Variants in IQGAP1 observed in about 807,000 individuals in gnomAD.
The protein encoded by IQGAP1 is ras GTPase-activating-like protein IQGAP1.
In IQGAP1, 66 loss-of-function variants were observed where a neutral mutation model predicts 215.6. That is an observed-to-expected ratio of 0.31 (90% CI 0.25 to 0.38). The LOEUF (loss-of-function observed/expected upper bound fraction) is 0.38, where lower values mean the gene tolerates loss of function less well. IQGAP1 is among the 10% of genes least tolerant of loss of function. The pLI is 1.00. For missense variants in IQGAP1, 1,712 were observed against 1,997.1 expected (o/e 0.86, Z 2.72); for synonymous variants, 772 against 728.7 (o/e 1.06, Z -0.96).
chr15:90,474,774 G>A (rs1363796420), intron 23 of IQGAP1, 81 bp downstream of exon 23: 4 of 1,093,492 alleles, frequency 3.7e-6, no homozygotes, highest in South Asian at 2.6e-5. Context: ...GACTGGTGGG[G>A]AGGGTGGAGG....
intron 2 of IQGAP1, among the ~76,000 whole-genome samples, chr15:90,421,181 T>C (rs1020612659): frequency 6.8e-6 from 1 of 148,140 alleles, no homozygotes; most frequent in Admixed American, 6.7e-5. Context: ...GCTAAATTTA[T>C]AAAAAAGCTA....
At chr15:90,497,960 C>T (rs542275548) in intron 37 of IQGAP1, among the ~76,000 whole-genome samples, 1 of 152,272 alleles carries the variant, frequency 6.6e-6, no homozygotes, top group African/African-American at 2.4e-5. Context: ...CTTTCTTGCA[C>T]TGCTTCACAC....
chr15:90,388,526 T>A lies in IQGAP1; in HGVS notation c.55+130T>A, dbSNP rs957513398. The A allele has an allele frequency of 1.2e-5, 7 of 597,874 alleles. No homozygotes were observed. In the African/African-American group the frequency reaches 1.4e-4, roughly 12 times the overall value. The allele number at this position is 597,874 out of a possible 1,614,324, so 37.0% of individuals were successfully genotyped here. On this transcript the variant is annotated intron_variant, in intron 1 of 37. Coordinates refer to ENST00000268182, the MANE Select transcript of IQGAP1 (RefSeq NM_003870.4). ...CGGCAGCTCGGACCCGGAAGAGCCGTCCCGGTGGGGCGGCGGGCGGCGGGC... is the reference window on the plus strand; with the variant it reads ...CGGCAGCTCGGACCCGGAAGAGCCGACCCGGTGGGGCGGCGGGCGGCGGGC...
At chr15:90,464,806 C>T (rs1965808401) in intron 15 of IQGAP1, among the ~76,000 whole-genome samples, 1 of 151,306 alleles carries the variant, frequency 6.6e-6, no homozygotes. Flanking sequence ...GAGCCGAGAT[C>T]ACGCCACTGC....
chr15:90,416,623 G>A (rs1311660466), intron 2 of IQGAP1, among the ~76,000 whole-genome samples: 2 of 150,476 alleles, frequency 1.3e-5, no homozygotes, highest in Non-Finnish European at 2.9e-5. Context: ...TGTTGCCCAG[G>A]CTGGAGTGCA....
chr15:90,437,830 C>CA (rs1218257224), intron 5 of IQGAP1, among the ~76,000 whole-genome samples: 2 of 152,210 alleles, frequency 1.3e-5, no homozygotes, highest in Non-Finnish European at 2.9e-5. Flanking sequence ...TGAGCCACTA[C>CA]ACCCAGTCTG....
chr15:90,436,241 A>T (rs936823367), intron 5 of IQGAP1, among the ~76,000 whole-genome samples: 1 of 152,158 alleles, frequency 6.6e-6, no homozygotes, highest in African/African-American at 2.4e-5. Flanking sequence ...TCTCCTTAGT[A>T]TGATTATGTT....
At chr15:90,431,478 A>T (rs1596263216) in intron 4 of IQGAP1, among the ~76,000 whole-genome samples, 1 of 152,314 alleles carries the variant, frequency 6.6e-6, no homozygotes, top group East Asian at 1.9e-4. Flanking sequence ...CCTCATTTGA[A>T]TGTTACTAAG....
In IQGAP1 at chr15:90,388,277, A is replaced by G. The variant is rs1964578549; in HGVS notation, c.-65A>G. The stretch of plus-strand genomic sequence containing the variant: ...AGCCCGCGCACTTGGCAGGAGCTGT[A>G]GCTACCGCCGTCCGCGCCTCCAAGG... On this transcript the variant is annotated 5_prime_UTR_variant, in exon 1 of 38. Coordinates refer to ENST00000268182, the MANE Select transcript of IQGAP1 (RefSeq NM_003870.4). 3 of 1,563,234 alleles carry G rather than the reference A, an allele frequency of 1.9e-6. No individual in the cohort carries two copies. The highest frequency in any genetic ancestry group is 1.7e-5 in the Admixed American group (1 of 58,446).
intron 33 of IQGAP1, among the ~76,000 whole-genome samples, chr15:90,488,039 G>A (rs930367551): frequency 3.9e-5 from 6 of 152,002 alleles, no homozygotes; most frequent in African/African-American, 9.7e-5. Context: ...TGGCTAACAC[G>A]TGAAACCCCG....
intron 32 of IQGAP1, 38 bp from the exon 33 acceptor site, chr15:90,487,457 A>G (rs1204955403): frequency 6.9e-7 from 1 of 1,442,988 alleles, no homozygotes; most frequent in East Asian, 2.3e-5. Context: ...GAACTAGAAC[A>G]CTGGTAATAT....
chr15:90,498,250 A>C (rs1188347541), intron 37 of IQGAP1, among the ~76,000 whole-genome samples: 1 of 152,060 alleles, frequency 6.6e-6, no homozygotes, highest in Non-Finnish European at 1.5e-5. Context: ...AGCATTTCTT[A>C]GTCATCTTCG....
rs781691860 is a variant in IQGAP1, at chr15:90,429,591, G to A, written c.315G>A (p.Ala105=). 6 of 1,581,062 alleles carry A rather than the reference G, an allele frequency of 3.8e-6. No individual in the cohort carries two copies. Among genetic ancestry groups the A allele is most frequent in the Non-Finnish European group, 5.1e-6 (6 of 1,168,816 alleles). The change falls in exon 4 of 38, where the codon GCG becomes GCA. Residue 105 remains alanine (A), a splice_region_variant and synonymous_variant. Coordinates refer to ENST00000268182, the MANE Select transcript of IQGAP1 (RefSeq NM_003870.4). ...IYDREQTRYK[A]TGLHFRHTDN... is the part of the protein sequence containing the mutation. Reference sequence around the variant, plus strand: ...CTAATTTTCTTTTTTTTTTCTAGGCGACTGGCCTCCACTTTAGACACACTG... The same window carrying A: ...CTAATTTTCTTTTTTTTTTCTAGGCAACTGGCCTCCACTTTAGACACACTG...
intron 2 of IQGAP1, among the ~76,000 whole-genome samples, chr15:90,401,782 A>G (rs1262486539): frequency 6.6e-6 from 1 of 152,242 alleles, no homozygotes; most frequent in Non-Finnish European, 1.5e-5. Context: ...CTTAACTGCC[A>G]TGTTAGTCTG....
chr15:90,421,586 G>A (rs1050296883), intron 2 of IQGAP1, among the ~76,000 whole-genome samples: 2 of 152,208 alleles, frequency 1.3e-5, no homozygotes, highest in Non-Finnish European at 2.9e-5. Flanking sequence ...GAGGCTTTGT[G>A]GTTATGGAGT....
chr15:90,475,999 G>C (rs957107822), intron 23 of IQGAP1, among the ~76,000 whole-genome samples: 2 of 151,938 alleles, frequency 1.3e-5, no homozygotes, highest in African/African-American at 4.8e-5. Context: ...GCAGTGGCAT[G>C]ATCATGACTC....
In IQGAP1 at chr15:90,501,988, AT is replaced by A. The variant is rs1966347640; in HGVS notation, c.*1882del. 6.6e-6 allele frequency: 1 copy of A among 152,632 alleles called. No homozygotes were observed. Among genetic ancestry groups the A allele is most frequent in the Admixed American group, 6.5e-5 (1 of 15,286 alleles). 9.5% of individuals were successfully genotyped at this position (152,632 alleles called of 1,614,324 possible). On this transcript the variant is annotated 3_prime_UTR_variant, in exon 38 of 38. Coordinates refer to ENST00000268182, the MANE Select transcript of IQGAP1 (RefSeq NM_003870.4). ...AGAATGTTGATGATGATGATATAGA[AT>A]TGTGGCTTTAGTAGCACAGAGGATG...
chr15:90,463,534 T>C (rs1965790723), intron 15 of IQGAP1, among the ~76,000 whole-genome samples: 1 of 152,252 alleles, frequency 6.6e-6, no homozygotes, highest in Non-Finnish European at 1.5e-5. Context: ...TTGTCTCACA[T>C]TGGAACTATT....
At chr15:90,436,506 T>G (rs1965372895) in intron 5 of IQGAP1, among the ~76,000 whole-genome samples, 2 of 152,326 alleles carry the variant, frequency 1.3e-5, no homozygotes, top group East Asian at 1.9e-4. Context: ...TAGTGACTTC[T>G]AGGTTACTCA....
Sources: allele counts gnomAD v4.1 joint callset (sites outside exome capture counted in the v4.1 genomes callset), GRCh38; gene constraint gnomAD v4.1.1; transcripts MANE v1.5; gene names NCBI Gene and HGNC (gene_info 2026-07-23, HGNC 2026-07-21).